The following CSMD1 variants were observed in gnomAD, a reference collection of about 807,000 sequenced individuals.
The protein encoded by CSMD1 is CUB and sushi domain-containing protein 1.
CSMD1 carries 213 observed loss-of-function variants against 417.5 expected under a neutral mutation model. That is an observed-to-expected ratio of 0.51 (90% CI 0.46 to 0.57). The LOEUF (loss-of-function observed/expected upper bound fraction) is 0.57, where lower values mean the gene tolerates loss of function less well. Ranked by LOEUF, CSMD1 falls within the 20% of genes least tolerant of loss-of-function variation. CSMD1 has a pLI of 0.00. For synonymous variants in CSMD1, 2,862 were observed against 1,736.8 expected (o/e 1.65, Z -16.11); for missense variants, 6,923 against 4,529.7 (o/e 1.53, Z -15.17).
intron 3 of CSMD1, among the ~76,000 whole-genome samples, chr8:4,190,847 A>G (rs1798983486): frequency 6.6e-6 from 1 of 152,092 alleles, no homozygotes. Context: ...CTGATGCAGG[A>G]ACAGAAAACC....
At chr8:4,632,263 AG>A (rs1301028613) in intron 2 of CSMD1, among the ~76,000 whole-genome samples, 1 of 152,168 alleles carries the variant, frequency 6.6e-6, no homozygotes, top group Non-Finnish European at 1.5e-5. Flanking sequence ...CATATCTTCC[AG>A]CACTTTGGGA....
chr8:3,857,064 C>G (rs1171749761), intron 5 of CSMD1, among the ~76,000 whole-genome samples: 3 of 151,612 alleles, frequency 2.0e-5, no homozygotes, highest in East Asian at 3.9e-4. Context: ...CCCACACTTA[C>G]TTCAGGAAAA....
At chr8:3,536,136 C>T (rs916480169) in intron 10 of CSMD1, among the ~76,000 whole-genome samples, 6 of 152,132 alleles carry the variant, frequency 3.9e-5, no homozygotes, top group African/African-American at 9.7e-5. Flanking sequence ...CTGTGATATC[C>T]GGATCATCAA....
intron 1 of CSMD1, among the ~76,000 whole-genome samples, chr8:4,975,778 C>A (rs1043226197): frequency 2.0e-5 from 3 of 152,186 alleles, no homozygotes. Context: ...CCACTATGAC[C>A]AGTTGTGGAG....
chr8:4,349,061 A>T (rs1184497130), intron 3 of CSMD1, among the ~76,000 whole-genome samples: 1 of 152,264 alleles, frequency 6.6e-6, no homozygotes, highest in Non-Finnish European at 1.5e-5. Context: ...GTTAGAAATT[A>T]TTAACATGAC....
intron 1 of CSMD1, among the ~76,000 whole-genome samples, chr8:4,934,395 A>C (rs11136806): frequency 6.6e-6 from 1 of 152,144 alleles, no homozygotes; most frequent in South Asian, 2.1e-4. Flanking sequence ...GCCATCAAGA[A>C]TAATAATTCA....
rs538236899 is a variant in CSMD1 at position 4,563,167 on chromosome 8, C to T, written c.302+74175G>A. ...CTGTAATCTCAGCACTTTCGGAGGC[C>T]GAGGCAGGCGGATCACGAGGTCAGG... On this transcript the variant is annotated intron_variant, in intron 2 of 69. Transcript: ENST00000635120. Among the ~76,000 whole-genome samples the T allele has an allele frequency of 1.2e-3, 186 of 152,098 alleles. 1 individual carries two copies. The highest frequency in any genetic ancestry group is 4.2e-3 in the African/African-American group (176 of 41,492).
chr8:4,392,494 A>G (rs1272121002), intron 3 of CSMD1, among the ~76,000 whole-genome samples: 1 of 152,170 alleles, frequency 6.6e-6, no homozygotes, highest in Non-Finnish European at 1.5e-5. Flanking sequence ...GAGCCAAAGA[A>G]AAGGTAAAGA....
rs750818272 is a variant in CSMD1 at position 4,732,344 on chromosome 8, C to CGTGTGTGTGTGT, written c.86-94798_86-94787dup. On this transcript the variant is annotated intron_variant, in intron 1 of 69. Coordinates refer to ENST00000635120, the MANE Select transcript of CSMD1 (RefSeq NM_033225.6). ...AGTTAATAGATTTAAATTTCTTCTG[C>CGTGTGTGTGTGT]GTGTGTGTGTGTGTGTGTGTGTGTG... is the stretch of plus-strand genomic sequence containing the variant. 9.4e-3 allele frequency among the ~76,000 whole-genome samples: 1,322 copies of CGTGTGTGTGTGT among 141,102 alleles called. 17 individuals are homozygous for CGTGTGTGTGTGT. Among genetic ancestry groups the CGTGTGTGTGTGT allele is most frequent in the African/African-American group, 0.025 (921 of 37,388 alleles). 92.6% of individuals were successfully genotyped at this position (141,102 alleles called of 152,430 possible). A position where few individuals can be genotyped will look rare whatever the true frequency, so the allele number is the denominator to read the frequency against.
At chr8:3,235,012 T>C (rs145966183) in intron 26 of CSMD1, among the ~76,000 whole-genome samples, 291 of 152,336 alleles carry the variant, frequency 1.9e-3, no homozygotes, top group African/African-American at 6.8e-3. Flanking sequence ...AGGAAAATTC[T>C]TCCTTTCCTC....
chr8:4,054,658 C>A (rs894799954), intron 3 of CSMD1, among the ~76,000 whole-genome samples: 3 of 152,136 alleles, frequency 2.0e-5, no homozygotes, highest in South Asian at 2.1e-4. Context: ...CAGGTCCTTG[C>A]ACAGTGTCTC....
intron 5 of CSMD1, among the ~76,000 whole-genome samples, chr8:3,816,013 G>C (rs1801347826): frequency 6.6e-6 from 1 of 152,144 alleles, no homozygotes; most frequent in Admixed American, 6.5e-5. Flanking sequence ...AAAAATGGCA[G>C]TAAGATATTG....
intron 5 of CSMD1, among the ~76,000 whole-genome samples, chr8:3,804,015 C>A (rs970317411): frequency 1.3e-5 from 2 of 152,112 alleles, no homozygotes; most frequent in African/African-American, 4.8e-5. Context: ...GCAACCTCCA[C>A]CTCCTGAGTT....
At chr8:4,950,930 A>G (rs913569638) in intron 1 of CSMD1, among the ~76,000 whole-genome samples, 1 of 152,114 alleles carries the variant, frequency 6.6e-6, no homozygotes, top group Non-Finnish European at 1.5e-5. Flanking sequence ...TTGACAAATA[A>G]CTGACCAATT....
intron 12 of CSMD1, among the ~76,000 whole-genome samples, chr8:3,429,154 G>C (rs1010143509): frequency 6.6e-6 from 1 of 152,138 alleles, no homozygotes; most frequent in Admixed American, 6.6e-5. Flanking sequence ...ATATTGCATG[G>C]TATATTTCAA....
intron 10 of CSMD1, among the ~76,000 whole-genome samples, chr8:3,508,367 G>C (rs546624979): frequency 6.6e-6 from 1 of 151,758 alleles, no homozygotes; most frequent in African/African-American, 2.4e-5. Context: ...TGGGGCAGGG[G>C]GAGGGGGGAG....
intron 26 of CSMD1, among the ~76,000 whole-genome samples, chr8:3,266,688 C>T (rs1232785646): frequency 2.8e-5 from 4 of 145,036 alleles, no homozygotes; most frequent in East Asian, 2.0e-4. Context: ...GGCAGGAGAA[C>T]CGCTTGAACC....
At chr8:3,595,566 A>C (rs962245135) in intron 8 of CSMD1, among the ~76,000 whole-genome samples, 1 of 152,156 alleles carries the variant, frequency 6.6e-6, no homozygotes, top group East Asian at 1.9e-4. Flanking sequence ...TAGCCCAACA[A>C]AGATCCCTTA....
intron 3 of CSMD1, among the ~76,000 whole-genome samples, chr8:4,217,393 AT>A (rs1563289889): frequency 6.6e-6 from 1 of 152,210 alleles, no homozygotes; most frequent in Admixed American, 6.5e-5. Context: ...TTCATGAAAT[AT>A]AACTCTAATA....
Sources: allele counts gnomAD v4.1 joint callset (sites outside exome capture counted in the v4.1 genomes callset), GRCh38; gene constraint gnomAD v4.1.1; transcripts MANE v1.5; gene names NCBI Gene and HGNC (gene_info 2026-07-23, HGNC 2026-07-21).